Variants in CALHM4 observed in about 807,000 individuals in gnomAD.
CALHM4 encodes calcium homeostasis modulator protein 4.
In CALHM4, 16 loss-of-function variants were observed where a neutral mutation model predicts 13.3. The ratio of observed to expected loss-of-function variants is 1.20; its 90% confidence interval spans 0.81 to 1.82. The LOEUF is 1.82. Ranked by LOEUF, CALHM4 falls within the 40% of genes most tolerant of loss-of-function variation. The pLI is 0.00. For synonymous variants in CALHM4, 127 were observed against 137.1 expected, an observed-to-expected ratio of 0.93 and a Z score of 0.52; for missense variants, 344 against 374.9, an observed-to-expected ratio of 0.92 and a Z score of 0.68.
upstream of CALHM4, chr6:116,553,621 C>T: frequency 1.6e-6 from 1 of 639,340 alleles, no homozygotes; most frequent in East Asian, 2.8e-5. Context: ...TCAATCTGAG[C>T]TCAGGGTTTT....
In CALHM4 at chr6:116,558,274, C is replaced by G. The variant is rs1401307604; in HGVS notation, c.*63C>G. 6.8e-7 allele frequency: 1 copy of G among 1,473,768 alleles called. No homozygotes were observed. Among genetic ancestry groups the G allele is most frequent in the Non-Finnish European group, 9.1e-7 (1 of 1,102,564 alleles). 91.3% of individuals were successfully genotyped at this position (1,473,768 alleles called of 1,614,324 possible). ...ACTTGGCTTTTATGGCTTTTATGAT[C>G]AGGCCATTTCAATGTAATCTCTTCA... On this transcript the variant is annotated 3_prime_UTR_variant, in exon 2 of 2. Transcript: ENST00000368596.
At chr6:116,537,103 C>A (rs867931100) in intron 1 of CALHM4, among the ~76,000 whole-genome samples, 30 of 152,124 alleles carry the variant, frequency 2.0e-4, no homozygotes, top group African/African-American at 5.6e-4. Flanking sequence ...GGAAATCAGG[C>A]CTTTGAAGGA....
At chr6:116,539,346 C>T (rs935236262) in intron 1 of CALHM4, among the ~76,000 whole-genome samples, 15 of 151,984 alleles carry the variant, frequency 9.9e-5, no homozygotes, top group African/African-American at 3.6e-4. Flanking sequence ...GGAAGATACT[C>T]GAATAACAGT....
chr6:116,542,980 G>A (rs145035774), intron 1 of CALHM4, among the ~76,000 whole-genome samples: 97 of 152,114 alleles, frequency 6.4e-4, no homozygotes, highest in Admixed American at 1.7e-3. Context: ...AAAATTTGAT[G>A]TTCCCTCATG....
At position 116,557,963 on chromosome 6, in the gene CALHM4, G is replaced by A. The variant is rs548781420; in HGVS notation, c.697G>A (p.Glu233Lys). 6.2e-7 allele frequency: 1 copy of A among 1,614,102 alleles called. No individual in the cohort carries two copies. The highest frequency in any genetic ancestry group is 1.1e-5 in the South Asian group (1 of 91,080). ...SHLQNERELF[E>K]QAAEQHSRLL... ...CCTCCAGAATGAGAGAGAACTCTTT[G>A]AACAAGCAGCAGAGCAGCACTCTCG... The change falls in exon 2 of 2, where the codon GAA (glutamate) becomes AAA (lysine). Residue 233 changes from glutamate (E) to lysine (K), a missense_variant. Transcript: ENST00000368596.
chr6:116,535,680 C>A (rs1244558087), intron 1 of CALHM4, among the ~76,000 whole-genome samples: 1 of 152,168 alleles, frequency 6.6e-6, no homozygotes, highest in Non-Finnish European at 1.5e-5. Context: ...TCTAATATTT[C>A]ATTATTACAA....
chr6:116,556,518 T>A (rs1774324888), intron 1 of CALHM4, among the ~76,000 whole-genome samples: 1 of 152,196 alleles, frequency 6.6e-6, no homozygotes, highest in Admixed American at 6.5e-5. Flanking sequence ...TACCACTTTG[T>A]AGGTTTTAGC....
chr6:116,548,420 C>CAATCACAATGTAGGTA (rs1341395100), intron 2 of CALHM4, among the ~76,000 whole-genome samples: 10 of 152,194 alleles, frequency 6.6e-5, no homozygotes, highest in Non-Finnish European at 1.5e-5. Flanking sequence ...CATTCACAGT[C>CAATCACAATGTAGGTA]ATTAGCAAGT....
intron 2 of CALHM4, among the ~76,000 whole-genome samples, chr6:116,544,652 T>A (rs973887825): frequency 6.6e-6 from 1 of 152,172 alleles, no homozygotes; most frequent in African/African-American, 2.4e-5. Context: ...GATTTCGGTA[T>A]AATATGAACT....
At position 116,541,254 on chromosome 6, in the gene CALHM4, A is replaced by C. The variant is rs187795212; in HGVS notation, c.-108-2511A>C. On this transcript the variant is annotated intron_variant, in intron 1 of 2. Transcript: ENST00000368597. ...TAGATTTCCCAGAAGGATACAAAGA[A>C]AGGTCAGAATCTCTATCTTATAAGA... Among the ~76,000 whole-genome samples, 470 of 152,328 alleles carry C rather than the reference A, an allele frequency of 3.1e-3. 12 individuals carry two copies. Among genetic ancestry groups the C allele is most frequent in the Admixed American group, 0.023 (346 of 15,294 alleles).
At chr6:116,537,084 C>T (rs1409868298) in intron 1 of CALHM4, among the ~76,000 whole-genome samples, 1 of 152,108 alleles carries the variant, frequency 6.6e-6, no homozygotes, top group African/African-American at 2.4e-5. Flanking sequence ...TAAAAATGAT[C>T]AAGAGGAAGG....
At position 116,559,283 on chromosome 6, in the gene CALHM4, T is replaced by C. The variant is rs769390587; in HGVS notation, c.*1072T>C. ...AAAAATAAGTTGTCTGAGGGCATTC[T>C]GTCTATTTATTTCTTCAGTCAAAAC... is the stretch of plus-strand genomic sequence containing the variant. On this transcript the variant is annotated 3_prime_UTR_variant, in exon 2 of 2. Transcript: ENST00000368596. Among the ~76,000 whole-genome samples the C allele has an allele frequency of 2.0e-5, 3 of 152,226 alleles. No homozygotes were observed. The highest frequency in any genetic ancestry group is 4.4e-5 in the Non-Finnish European group (3 of 68,036).
At chr6:116,554,393 T>C in intron 1 of CALHM4, 42 bp downstream of exon 1, 3 of 1,425,704 alleles carry the variant, frequency 2.1e-6, no homozygotes, top group Non-Finnish European at 2.8e-6. Flanking sequence ...TGTTATCCTA[T>C]AGAACTACAG....
At chr6:116,530,943 A>G (rs527892212) in intron 1 of CALHM4, among the ~76,000 whole-genome samples, 5 of 126,122 alleles carry the variant, frequency 4.0e-5, no homozygotes, top group Admixed American at 3.3e-4. Flanking sequence ...ATATATATAT[A>G]TGTTACTAAT....
rs192810526 is a variant in CALHM4 at position 116,529,378 on chromosome 6, T to C, written c.-109+188T>C. 2.9e-4 allele frequency among the ~76,000 whole-genome samples: 42 copies of C among 147,132 alleles called. 1 individual carries two copies. Among genetic ancestry groups the C allele is most frequent in the Admixed American group, 2.5e-3 (38 of 15,096 alleles). ...GGCGAGATATTAAAAAATTTTAGAA[T>C]CTTTGTAACTAACAGAGTCACAACT... is the stretch of plus-strand genomic sequence containing the variant. On this transcript the variant is annotated intron_variant, in intron 1 of 2. Coordinates refer to the CALHM4 transcript ENST00000368597.
chr6:116,541,666 CA>C (rs564475207), intron 1 of CALHM4, among the ~76,000 whole-genome samples: 34 of 152,316 alleles, frequency 2.2e-4, no homozygotes, highest in Non-Finnish European at 4.4e-4. Context: ...GCTCTCACTG[CA>C]AAGACTTTTA....
Position 116,554,184 on chromosome 6 carries a change from T to C in CALHM4, c.391T>C (p.Cys131Arg). The C allele has an allele frequency of 6.4e-7, 1 of 1,550,576 alleles. No homozygotes were observed. Among genetic ancestry groups the C allele is most frequent in the Non-Finnish European group, 8.7e-7 (1 of 1,146,980 alleles). ...CCTGCTGACAGGCACGTATTATGAA[T>C]GTGCAGCAAGTGAATTTGCATCTGT... ...VTLLTGTYYE[C>R]AASEFASVDH... Residue 131 changes from cysteine to arginine, a missense_variant, in exon 1 of 2, where the codon TGT (cysteine) becomes CGT (arginine). Transcript: ENST00000368596.
intron 1 of CALHM4, among the ~76,000 whole-genome samples, chr6:116,532,149 G>A (rs778143223): frequency 6.6e-6 from 1 of 152,290 alleles, no homozygotes; most frequent in Non-Finnish European, 1.5e-5. Context: ...GAGCAGACAG[G>A]GTAGGAGTCT....
In CALHM4 at chr6:116,558,373, T is replaced by C; in HGVS notation, c.*162T>C. On this transcript the variant is annotated 3_prime_UTR_variant, in exon 2 of 2. Coordinates refer to ENST00000368596, the MANE Select transcript of CALHM4 (RefSeq NM_001366078.2). ...TTATTTCTAAAATCAATCTATTAGA[T>C]AATTGTGCCAATCTCTCATTTTGAA... is the stretch of plus-strand genomic sequence containing the variant. 2.3e-6 allele frequency: 2 copies of C among 871,052 alleles called. No homozygotes were observed. Among genetic ancestry groups the C allele is most frequent in the African/African-American group, 3.4e-5 (2 of 58,792 alleles). 54.0% of individuals were successfully genotyped at this position (871,052 alleles called of 1,614,324 possible). A position where few individuals can be genotyped will look rare whatever the true frequency, so the allele number is the denominator to read the frequency against.
Sources: allele counts gnomAD v4.1 joint callset (sites outside exome capture counted in the v4.1 genomes callset), GRCh38; gene constraint gnomAD v4.1.1; transcripts MANE v1.5; gene names NCBI Gene and HGNC (gene_info 2026-07-23, HGNC 2026-07-21).